The following ATOSA variants were observed in gnomAD, a reference collection of about 807,000 sequenced individuals.
ATOSA encodes the protein atos homolog A.
the ATOSA span, among the ~76,000 whole-genome samples, chr15:52,643,151 A>T: frequency 3.9e-5 from 6 of 152,196 alleles, no homozygotes; most frequent in Non-Finnish European, 8.8e-5. Flanking sequence ...CGTACCATGA[A>T]AAAATTTTGT....
At chr15:52,613,528 G>A in the ATOSA span, 2 of 951,346 alleles carry the variant, frequency 2.1e-6, no homozygotes, top group Non-Finnish European at 3.0e-6. Flanking sequence ...ATTAGCTATG[G>A]TCCAGGATTT....
the ATOSA span, chr15:52,611,160 T>A: frequency 6.2e-7 from 1 of 1,613,852 alleles, no homozygotes; most frequent in Admixed American, 1.7e-5. Flanking sequence ...AATAGCACCA[T>A]GAGAAACACT....
chr15:52,664,951 G>T, the ATOSA span, among the ~76,000 whole-genome samples: 1 of 32,594 alleles, frequency 3.1e-5, no homozygotes, highest in African/African-American at 5.2e-5. Flanking sequence ...TGTTGGGGGT[G>T]GGGGGGTGCA....
the ATOSA span, among the ~76,000 whole-genome samples, chr15:52,697,957 A>ATTTTTTTTTTTTTTTTTTT: frequency 6.9e-4 from 31 of 44,778 alleles, 2 homozygotes; most frequent in Non-Finnish European, 8.4e-4. Flanking sequence ...GGGATGTAGA[A>ATTTTTTTTTTTTTTTTTTT]TTTTTTTTTT....
chr15:52,586,296 TTTCA>T, the ATOSA span: 1 of 152,212 alleles, frequency 6.6e-6, no homozygotes, highest in Non-Finnish European at 1.5e-5. Context: ...CATACTTCTG[TTTCA>T]TTCCTGTGTG....
chr15:52,668,678 T>C, the ATOSA span, among the ~76,000 whole-genome samples: 1 of 152,080 alleles, frequency 6.6e-6, no homozygotes, highest in Non-Finnish European at 1.5e-5. Flanking sequence ...CATAAATATA[T>C]ACAATTGCAA....
the ATOSA span, among the ~76,000 whole-genome samples, chr15:52,667,857 G>A: frequency 6.6e-6 from 1 of 152,136 alleles, no homozygotes; most frequent in East Asian, 1.9e-4. Context: ...ACCACAATGA[G>A]ATAAAACCTT....
chr15:52,582,387 G>T, the ATOSA span: 1 of 1,249,486 alleles, frequency 8.0e-7, no homozygotes, highest in Non-Finnish European at 1.1e-6. Context: ...TTTGAAAGTA[G>T]GAAGAACAAA....
At chr15:52,644,164 C>T in the ATOSA span, among the ~76,000 whole-genome samples, 1 of 151,772 alleles carries the variant, frequency 6.6e-6, no homozygotes, top group Non-Finnish European at 1.5e-5. Flanking sequence ...CTCAAGCAAT[C>T]CTCCAACCTC....
chr15:52,704,338 C>A, the ATOSA span, among the ~76,000 whole-genome samples: 1 of 152,114 alleles, frequency 6.6e-6, no homozygotes, highest in Non-Finnish European at 1.5e-5. Context: ...TTCCTTACAC[C>A]TTATACAAAA....
chr15:52,696,499 G>A, the ATOSA span, among the ~76,000 whole-genome samples: 14 of 152,158 alleles, frequency 9.2e-5, no homozygotes, highest in South Asian at 2.7e-3. Flanking sequence ...TGGGATATAC[G>A]CATAGAATTC....
At chr15:52,581,923 G>A in the ATOSA span, 1 of 379,672 alleles carries the variant, frequency 2.6e-6, no homozygotes, top group Non-Finnish European at 4.6e-6. Context: ...TTTTGCTATT[G>A]CAACATGTCC....
the ATOSA span, among the ~76,000 whole-genome samples, chr15:52,685,757 G>A: frequency 1.3e-5 from 2 of 152,158 alleles, no homozygotes; most frequent in Non-Finnish European, 2.9e-5. Context: ...CACCCAGGCT[G>A]GAGTGTAGTG....
At chr15:52,591,544 T>C in the ATOSA span, among the ~76,000 whole-genome samples, 3 of 152,306 alleles carry the variant, frequency 2.0e-5, no homozygotes, top group Admixed American at 1.3e-4. Flanking sequence ...CCACTGTGCC[T>C]GGCCAGATCA....
the ATOSA span, among the ~76,000 whole-genome samples, chr15:52,615,322 A>G: frequency 6.6e-6 from 1 of 152,210 alleles, no homozygotes; most frequent in African/African-American, 2.4e-5. Context: ...AACTTGCTAT[A>G]CAAGTTGAAC....
the ATOSA span, chr15:52,608,578 G>A: frequency 1.3e-6 from 2 of 1,572,572 alleles, no homozygotes; most frequent in Admixed American, 4.0e-5. Context: ...CAATACCTCT[G>A]TATTTTTTGG....
the ATOSA span, among the ~76,000 whole-genome samples, chr15:52,662,582 AAC>A: frequency 1.3e-5 from 2 of 152,110 alleles, no homozygotes; most frequent in African/African-American, 4.8e-5. Flanking sequence ...CATCCTGGCT[AAC>A]ACAGTGAAAC....
the ATOSA span, chr15:52,608,769 C>T: frequency 6.2e-7 from 1 of 1,607,068 alleles, no homozygotes; most frequent in Non-Finnish European, 8.5e-7. Context: ...GAGTATTTTG[C>T]TCACATGTCT....
At chr15:52,680,249 C>A in the ATOSA span, among the ~76,000 whole-genome samples, 2 of 152,046 alleles carry the variant, frequency 1.3e-5, no homozygotes, top group African/African-American at 4.8e-5. Context: ...TAAAAAAAAA[C>A]CCAATCCTAA....
Sources: allele counts gnomAD v4.1 joint callset (sites outside exome capture counted in the v4.1 genomes callset), GRCh38; gene constraint gnomAD v4.1.1; transcripts MANE v1.5; gene names NCBI Gene and HGNC (gene_info 2026-07-23, HGNC 2026-07-21).